Variants in PHEX observed in about 807,000 individuals in gnomAD.
PHEX encodes the protein phosphate-regulating neutral endopeptidase PHEX.
Under a neutral mutation model 68.0 loss-of-function variants are expected in PHEX, and 16 were observed. The ratio of observed to expected loss-of-function variants is 0.24; its 90% CI spans 0.16 to 0.36. PHEX has a LOEUF of 0.36. Ranked by LOEUF, PHEX falls within the 10% of genes least tolerant of loss-of-function variation. PHEX has a pLI of 1.00. For missense variants in PHEX, 480 were observed against 575.5 expected (o/e 0.83, Z 1.70); for synonymous variants, 208 against 205.1 (o/e 1.01, Z -0.12).
rs1454862771 is a variant in PHEX, at chrX:22,221,718, A to G, written c.1874A>G (p.Tyr625Cys). 1.7e-6 allele frequency: 2 copies of G among 1,206,543 alleles called. No homozygotes were observed. The highest frequency in any genetic ancestry group is 3.5e-5 in the African/African-American group (2 of 57,282). Residue 625 changes from tyrosine (Y) to cysteine (C), a missense_variant, in exon 18 of 22, where the codon TAT becomes TGT. Tyr to Cys is a radical substitution (Grantham distance 194). Transcript: ENST00000379374. ...TGCATGATTAACCAGTATAGCAACT[A>G]TTATTGGAAGAAAGCTGGCTTAAAT... is the stretch of plus-strand genomic sequence containing the variant. ...TKCMINQYSN[Y>C]YWKKAGLNVK... is the part of the protein sequence containing the mutation.
At chrX:22,082,506 C>A (rs1242612227) in intron 5 of PHEX, among the ~76,000 whole-genome samples, 4 of 112,327 alleles carry the variant, frequency 3.6e-5, no homozygotes, top group Non-Finnish European at 5.6e-5. Context: ...CGTATGTCTT[C>A]TTTTGAAAAG....
intron 2 of PHEX, among the ~76,000 whole-genome samples, chrX:22,038,961 T>C (rs985226859): frequency 7.2e-5 from 8 of 111,843 alleles, no homozygotes; most frequent in Middle Eastern, 4.6e-3. Flanking sequence ...ACGCTTCCAT[T>C]GTCAGTGGGA....
chrX:22,055,147 T>A (rs1928020523), intron 3 of PHEX, among the ~76,000 whole-genome samples: 1 of 87,033 alleles, frequency 1.1e-5, no homozygotes, highest in South Asian at 6.4e-4. Context: ...TGCACTCCAG[T>A]CCGGGCAACA....
At chrX:22,173,365 A>G (rs2147123665) in intron 13 of PHEX, among the ~76,000 whole-genome samples, 1 of 110,886 alleles carries the variant, frequency 9.0e-6, no homozygotes, top group East Asian at 2.9e-4. Context: ...GAGATGGGAC[A>G]TCTGGTTCCA....
In PHEX at chrX:22,250,106, A is replaced by G. The variant is rs1178697182; in HGVS notation, c.*2153A>G. On this transcript the variant is annotated 3_prime_UTR_variant, in exon 22 of 22. Transcript: ENST00000379374. Reference sequence around the variant, plus strand: ...TGTAGGTAGGATGTCCATTACTCAAACAAAGCAGAACAAAACAACAAACCA... The same window carrying G: ...TGTAGGTAGGATGTCCATTACTCAAGCAAAGCAGAACAAAACAACAAACCA... 8.9e-6 allele frequency: 1 copy of G among 112,048 alleles called. No individual in the cohort carries two copies. The highest frequency in any genetic ancestry group is 3.2e-5 in the African/African-American group (1 of 30,839). 9.2% of individuals were successfully genotyped at this position (112,048 alleles called of 1,213,427 possible). A position where few individuals can be genotyped will look rare whatever the true frequency, so the allele number is the denominator to read the frequency against.
At chrX:22,082,560 G>T (rs1374338308) in intron 5 of PHEX, among the ~76,000 whole-genome samples, 1 of 111,970 alleles carries the variant, frequency 8.9e-6, no homozygotes, top group Admixed American at 9.5e-5. Context: ...GGGTTGTTTG[G>T]TTTTTGCTTA....
intron 5 of PHEX, among the ~76,000 whole-genome samples, chrX:22,086,774 T>C (rs902437244): frequency 8.9e-6 from 1 of 112,068 alleles, no homozygotes; most frequent in Non-Finnish European, 1.9e-5. Context: ...AGCTCTTTCT[T>C]CTTGTATTAC....
intron 15 of PHEX, among the ~76,000 whole-genome samples, chrX:22,199,292 TGAG>T (rs1415579762): frequency 3.6e-5 from 4 of 110,098 alleles, no homozygotes; most frequent in Non-Finnish European, 7.6e-5. Context: ...ATGACAGGGG[TGAG>T]GAGGAGTAGG....
Position 22,173,240 on chromosome X carries a change from G to C in PHEX, c.1482+4851G>C, listed in dbSNP as rs762083835. On this transcript the variant is annotated intron_variant, in intron 13 of 21. Coordinates refer to ENST00000379374, the MANE Select transcript of PHEX (RefSeq NM_000444.6). ...TGGAGAGCTAAGGGTGGGCATTGGAGGTGGGACACCCTGGTGCCCCCCAAC... is the reference window on the plus strand; with the variant it reads ...TGGAGAGCTAAGGGTGGGCATTGGACGTGGGACACCCTGGTGCCCCCCAAC... Among the ~76,000 whole-genome samples, 130 of 112,291 alleles carry C rather than the reference G, an allele frequency of 1.2e-3. 1 individual carries two copies. The highest frequency in any genetic ancestry group is 1.7e-3 in the Non-Finnish European group (91 of 53,154).
At chrX:22,229,312 G>A (rs1299649394) in intron 20 of PHEX, among the ~76,000 whole-genome samples, 1 of 111,702 alleles carries the variant, frequency 9.0e-6, no homozygotes, top group Non-Finnish European at 1.9e-5. Context: ...TTGAGGAATC[G>A]CCACACTGTC....
chrX:22,160,561 A>G (rs1325618761), intron 12 of PHEX, among the ~76,000 whole-genome samples: 2 of 106,976 alleles, frequency 1.9e-5, no homozygotes, highest in Admixed American at 9.9e-5. Context: ...AAAAAAAAAA[A>G]AAAAGAAAAG....
intron 17 of PHEX, among the ~76,000 whole-genome samples, chrX:22,220,058 A>G (rs768126839): frequency 3.6e-5 from 4 of 112,293 alleles, no homozygotes; most frequent in Non-Finnish European, 7.5e-5. Context: ...AGTCCTCATC[A>G]TCATTAATCA....
chrX:22,090,077 C>T (rs1452504067), intron 5 of PHEX, among the ~76,000 whole-genome samples: 3 of 112,096 alleles, frequency 2.7e-5, no homozygotes, highest in African/African-American at 9.7e-5. Context: ...TTGGGAAAGT[C>T]ACAACAATTA....
chrX:22,227,925 C>G (rs1188639552), intron 20 of PHEX, among the ~76,000 whole-genome samples: 2 of 111,500 alleles, frequency 1.8e-5, no homozygotes, highest in Non-Finnish European at 3.8e-5. Context: ...GTAACCATTT[C>G]TAGTAACTTG....
chrX:22,245,466 C>A, intron 21 of PHEX, 57 bp downstream of exon 21: 1 of 790,310 alleles, frequency 1.3e-6, no homozygotes, highest in Non-Finnish European at 2.0e-6. Flanking sequence ...CCCTTCCTCC[C>A]CCACCCAGCC....
At chrX:22,091,763 A>T (rs1414735817) in intron 6 of PHEX, among the ~76,000 whole-genome samples, 1 of 111,852 alleles carries the variant, frequency 8.9e-6, no homozygotes, top group Non-Finnish European at 1.9e-5. Flanking sequence ...CATACCTGAG[A>T]CTTGGTGATT....
rs753966595 is a variant in PHEX at position 22,121,450 on chromosome X, G to A, written c.1302+6864G>A. 1.1e-4 allele frequency among the ~76,000 whole-genome samples: 12 copies of A among 111,534 alleles called. 1 individual carries two copies. In the East Asian group the frequency reaches 3.4e-3, roughly 32 times the overall value. On this transcript the variant is annotated intron_variant, in intron 11 of 21. Transcript: ENST00000379374. The stretch of plus-strand genomic sequence containing the variant: ...TACAACTGGACTAGACAGGCTTGTC[G>A]AGGACAGGATGGGGGTGGGAGGCTG...
At chrX:22,143,015 T>A (rs1932533841) in intron 12 of PHEX, among the ~76,000 whole-genome samples, 1 of 112,623 alleles carries the variant, frequency 8.9e-6, no homozygotes, top group Admixed American at 9.4e-5. Flanking sequence ...GTCTTTCCTC[T>A]TAGCCAACTT....
chrX:22,199,147 G>A (rs1309814005), intron 15 of PHEX, among the ~76,000 whole-genome samples: 1 of 111,104 alleles, frequency 9.0e-6, no homozygotes, highest in Non-Finnish European at 1.9e-5. Flanking sequence ...TGGGAACACA[G>A]CCTAACCATA....
Sources: gnomAD v4.1 joint callset for allele counts (sites outside exome capture counted in the v4.1 genomes callset) on GRCh38, gnomAD v4.1.1 for gene constraint, MANE v1.5 for transcripts, NCBI Gene and HGNC (gene_info 2026-07-23, HGNC 2026-07-21) for gene names.